PABIR3: variants seen among roughly 807,000 people sequenced by gnomAD.
PABIR3 encodes PABIR family member 3, also known as PABIR family member 1.
In PABIR3, 20 loss-of-function variants were observed where a neutral mutation model predicts 23.1. The ratio of observed to expected loss-of-function variants is 0.86; its 90% CI spans 0.61 to 1.26. PABIR3 has a LOEUF of 1.26. PABIR3 is among the 50% of genes most tolerant of loss of function. The probability of loss-of-function intolerance (pLI) is 0.00; values close to 1 mark genes in which losing one functional copy is unlikely to be tolerated. For missense variants in PABIR3, 189 were observed against 195.4 expected, an observed-to-expected ratio of 0.97 and a Z score of 0.20; for synonymous variants, 69 against 68.5, an observed-to-expected ratio of 1.01 and a Z score of -0.04.
chrX:134,831,057 T>C (rs1194337804), intron 4 of PABIR3, among the ~76,000 whole-genome samples: 1 of 110,282 alleles, frequency 9.1e-6, no homozygotes, highest in Non-Finnish European at 1.9e-5. Context: ...TTAAGTTGCA[T>C]ATTTCTTTTT....
chrX:134,796,970 G>A (rs1031250170), intron 1 of PABIR3: 1 of 112,195 alleles, frequency 8.9e-6, no homozygotes, highest in Non-Finnish European at 1.9e-5. Flanking sequence ...CTCAGCCCTG[G>A]GATCGGTGCT....
At chrX:134,814,551 A>C (rs1466800397) in intron 2 of PABIR3, among the ~76,000 whole-genome samples, 2 of 110,547 alleles carry the variant, frequency 1.8e-5, no homozygotes, top group African/African-American at 6.6e-5. Context: ...TACAAAAATT[A>C]GCTGGGCATG....
intron 4 of PABIR3, among the ~76,000 whole-genome samples, chrX:134,829,750 GTGTGTT>G (rs1306261607): frequency 1.8e-5 from 2 of 111,552 alleles, no homozygotes; most frequent in Non-Finnish European, 3.8e-5. Context: ...CTCTGTGTTT[GTGTGTT>G]TGTGTTTGTG....
chrX:134,811,384 T>G (rs2080653373), intron 2 of PABIR3, among the ~76,000 whole-genome samples: 1 of 109,415 alleles, frequency 9.1e-6, no homozygotes, highest in Non-Finnish European at 1.9e-5. Flanking sequence ...GCATTTAAAC[T>G]GTTACTGCCT....
At chrX:134,851,400 GT>G (rs1184704706) in intron 9 of PABIR3, among the ~76,000 whole-genome samples, 1 of 110,035 alleles carries the variant, frequency 9.1e-6, no homozygotes, top group Non-Finnish European at 1.9e-5. Flanking sequence ...GCCAAGGGTG[GT>G]GGTGTGTGCC....
At chrX:134,811,146 A>G in intron 2 of PABIR3, 1 of 750,621 alleles carries the variant, frequency 1.3e-6, no homozygotes, top group South Asian at 6.8e-5. Flanking sequence ...GCACTGTTTT[A>G]TGTATATCTT....
intron 2 of PABIR3, chrX:134,809,870 T>C: frequency 2.7e-6 from 2 of 754,027 alleles, no homozygotes; most frequent in Non-Finnish European, 3.1e-6. Flanking sequence ...GGAGAGAATA[T>C]ATTGTTCACA....
At chrX:134,862,301 C>A in the PABIR3 span, among the ~76,000 whole-genome samples, 2 of 108,966 alleles carry the variant, frequency 1.8e-5, no homozygotes, top group Non-Finnish European at 3.8e-5. Flanking sequence ...AAGCACCCGC[C>A]ACCAAACCCG....
intron 3 of PABIR3, among the ~76,000 whole-genome samples, chrX:134,819,987 A>G (rs1319212061): frequency 3.6e-5 from 4 of 111,679 alleles, no homozygotes; most frequent in African/African-American, 1.3e-4. Context: ...AAGCCCCAAG[A>G]AAAGGAGGTT....
chrX:134,840,683 C>T (rs1258456714), intron 4 of PABIR3, among the ~76,000 whole-genome samples: 1 of 111,017 alleles, frequency 9.0e-6, no homozygotes, highest in Admixed American at 9.7e-5. Context: ...CTGACAATGA[C>T]GTGATTCTGC....
At chrX:134,839,913 A>C (rs765830244) in intron 4 of PABIR3, among the ~76,000 whole-genome samples, 1 of 112,935 alleles carries the variant, frequency 8.9e-6, no homozygotes, top group East Asian at 2.8e-4. Context: ...GTTTTGTGGA[A>C]TAGAAAGGGG....
At chrX:134,818,263 C>A (rs2081086688) in intron 3 of PABIR3, among the ~76,000 whole-genome samples, 1 of 111,596 alleles carries the variant, frequency 9.0e-6, no homozygotes, top group Non-Finnish European at 1.9e-5. Flanking sequence ...CTAGAGATAA[C>A]CATTTGGGAA....
At chrX:134,820,450 A>G (rs936149750) in intron 3 of PABIR3, among the ~76,000 whole-genome samples, 5 of 111,714 alleles carry the variant, frequency 4.5e-5, no homozygotes, top group African/African-American at 1.6e-4. Context: ...AAAGTAGCCA[A>G]ATTCATAGAC....
intron 3 of PABIR3, among the ~76,000 whole-genome samples, chrX:134,824,850 G>A (rs976589664): frequency 1.2e-4 from 13 of 112,040 alleles, no homozygotes; most frequent in African/African-American, 4.2e-4. Flanking sequence ...GGACAAACAG[G>A]CAGAGCATAG....
At chrX:134,842,513 C>T (rs192596140) in intron 4 of PABIR3, among the ~76,000 whole-genome samples, 118 of 110,985 alleles carry the variant, frequency 1.1e-3, no homozygotes, top group Middle Eastern at 4.7e-3. Flanking sequence ...GAGGCTGAAT[C>T]GGGAGAATGG....
intron 4 of PABIR3, among the ~76,000 whole-genome samples, chrX:134,832,436 C>T (rs1402257893): frequency 1.5e-5 from 1 of 67,138 alleles, no homozygotes; most frequent in Admixed American, 2.4e-4. Context: ...CAGTCTTGCT[C>T]TATCACCCAG....
chrX:134,819,482 G>A (rs1182896251), intron 3 of PABIR3, among the ~76,000 whole-genome samples: 1 of 111,424 alleles, frequency 9.0e-6, no homozygotes, highest in Non-Finnish European at 1.9e-5. Context: ...ATTATTATAA[G>A]ACATAAGTAA....
upstream of PABIR3, among the ~76,000 whole-genome samples, chrX:134,805,890 T>A (rs2080209703): frequency 9.2e-6 from 1 of 108,758 alleles, no homozygotes; most frequent in Non-Finnish European, 1.9e-5. Flanking sequence ...AGAGCGAAAC[T>A]CCGTCTCAAA....
chrX:134,836,308 G>A (rs971168313), intron 4 of PABIR3, among the ~76,000 whole-genome samples: 1 of 112,275 alleles, frequency 8.9e-6, no homozygotes, highest in Non-Finnish European at 1.9e-5. Flanking sequence ...CAAAAGATCC[G>A]AATGCATTCA....
Sources: allele counts gnomAD v4.1 joint callset (sites outside exome capture counted in the v4.1 genomes callset), GRCh38; gene constraint gnomAD v4.1.1; transcripts MANE v1.5; gene names NCBI Gene and HGNC (gene_info 2026-07-23, HGNC 2026-07-21).